Variants in ANO3 observed in about 807,000 individuals in gnomAD.
ANO3 encodes anoctamin 3, also known as anoctamin-3.
In ANO3, 99 loss-of-function variants were observed where a neutral mutation model predicts 144.8. The ratio of observed to expected loss-of-function variants is 0.68; its 90% CI spans 0.58 to 0.81. ANO3 has a LOEUF of 0.81. Among genes scored for constraint, ANO3 ranks in the 30% least tolerant of loss-of-function variants. The pLI, the probability that ANO3 is intolerant of heterozygous loss-of-function variation, is 0.00. For synonymous variants in ANO3, 414 were observed against 392.6 expected, an observed-to-expected ratio of 1.05 and a Z score of -0.64; for missense variants, 905 against 1,202.2, an observed-to-expected ratio of 0.75 and a Z score of 3.66.
intron 1 of ANO3, among the ~76,000 whole-genome samples, chr11:26,325,800 T>A (rs1212783616): frequency 6.6e-6 from 1 of 152,192 alleles, no homozygotes; most frequent in Non-Finnish European, 1.5e-5. Flanking sequence ...CCATAAAGAT[T>A]ATATTTCTGA....
intron 26 of ANO3, among the ~76,000 whole-genome samples, chr11:26,656,947 A>T (rs1009305720): frequency 4.6e-5 from 7 of 151,990 alleles, no homozygotes; most frequent in African/African-American, 1.7e-4. Context: ...TTTTATTTAA[A>T]AATTCAGAGA....
At chr11:26,236,621 A>G (rs933316219) in intron 1 of ANO3, among the ~76,000 whole-genome samples, 1 of 152,078 alleles carries the variant, frequency 6.6e-6, no homozygotes, top group African/African-American at 2.4e-5. Context: ...GACCAAGACC[A>G]TCCTGGCTAA....
intron 1 of ANO3, among the ~76,000 whole-genome samples, chr11:26,428,588 T>C (rs1857987512): frequency 6.6e-6 from 1 of 152,178 alleles, no homozygotes; most frequent in African/African-American, 2.4e-5. Context: ...TGAAAATAGT[T>C]TTCATCATGT....
intron 1 of ANO3, among the ~76,000 whole-genome samples, chr11:26,324,405 C>A (rs1321055450): frequency 6.6e-6 from 1 of 152,070 alleles, no homozygotes; most frequent in Non-Finnish European, 1.5e-5. Context: ...ACACTGAGAC[C>A]CTCAGCAAGA....
In ANO3 at chr11:26,509,527, G is replaced by A. The variant is rs138825045; in HGVS notation, c.591+1265G>A. Reference sequence around the variant, plus strand: ...GGGGTTTCACCATGTTGGCCAGGCTGGTCTTGAACTTCTGACCTCAAGTGA... The same window carrying A: ...GGGGTTTCACCATGTTGGCCAGGCTAGTCTTGAACTTCTGACCTCAAGTGA... On this transcript the variant is annotated intron_variant, in intron 5 of 26. Transcript: ENST00000256737. Among the ~76,000 whole-genome samples, 676 of 152,120 alleles carry A rather than the reference G, an allele frequency of 4.4e-3. 3 individuals are homozygous for A. The highest frequency in any genetic ancestry group is 0.016 in the African/African-American group (653 of 41,504).
At chr11:26,367,964 C>T (rs1034681443) in intron 1 of ANO3, among the ~76,000 whole-genome samples, 1 of 152,144 alleles carries the variant, frequency 6.6e-6, no homozygotes, top group Non-Finnish European at 1.5e-5. Context: ...CATGAGAAAT[C>T]CACCCCCATG....
chr11:26,323,119 T>C lies in ANO3; in HGVS notation c.-3+13400T>C, dbSNP rs953242304. 4.6e-5 allele frequency among the ~76,000 whole-genome samples: 7 copies of C among 152,194 alleles called. 1 individual carries two copies. The highest frequency in any genetic ancestry group is 1.7e-4 in the African/African-American group (7 of 41,534). ...TTTGTGTGTGTGTTTTTTAACCACT[T>C]TCTTACTTTCTGGGACTTCAAGATG... is the stretch of plus-strand genomic sequence containing the variant. On this transcript the variant is annotated intron_variant, in intron 1 of 26. Transcript: ENST00000525139.
intron 6 of ANO3, among the ~76,000 whole-genome samples, chr11:26,518,196 A>G (rs891212772): frequency 6.6e-6 from 1 of 152,018 alleles, no homozygotes; most frequent in Non-Finnish European, 1.5e-5. Flanking sequence ...ACATTTCTTG[A>G]GTTCTGGAAT....
chr11:26,345,413 T>C (rs1855474219), intron 1 of ANO3, among the ~76,000 whole-genome samples: 1 of 151,974 alleles, frequency 6.6e-6, no homozygotes, highest in African/African-American at 2.4e-5. Flanking sequence ...AATTTTAGGG[T>C]ATCGTGGCAT....
chr11:26,493,563 C>A (rs1246552907), intron 4 of ANO3, among the ~76,000 whole-genome samples: 1 of 152,156 alleles, frequency 6.6e-6, no homozygotes, highest in Non-Finnish European at 1.5e-5. Context: ...GCCCTAACCA[C>A]TCCTTCCTTA....
At chr11:26,564,450 G>T (rs1850435824) in intron 14 of ANO3, among the ~76,000 whole-genome samples, 1 of 148,196 alleles carries the variant, frequency 6.7e-6, no homozygotes, top group African/African-American at 2.5e-5. Context: ...TTTCAAGGGG[G>T]GAAAATACAT....
intron 1 of ANO3, among the ~76,000 whole-genome samples, chr11:26,437,027 C>T (rs1858320480): frequency 1.3e-5 from 2 of 152,170 alleles, no homozygotes; most frequent in Non-Finnish European, 2.9e-5. Context: ...AGATAGCAGC[C>T]TACCCCTCCC....
intron 10 of ANO3, among the ~76,000 whole-genome samples, chr11:26,539,686 C>T (rs538031836): frequency 4.6e-5 from 7 of 152,124 alleles, no homozygotes; most frequent in Non-Finnish European, 8.8e-5. Context: ...GGGAGCTCAC[C>T]GTCCTGGTTG....
chr11:26,188,879 C>T (rs554145449), exon 1 of ANO3, among the ~76,000 whole-genome samples: 18 of 152,246 alleles, frequency 1.2e-4, no homozygotes, highest in African/African-American at 4.3e-4. Flanking sequence ...TCACTGCAGC[C>T]TCTCTGAGAT....
At chr11:26,338,914 T>G (rs568716181) in intron 1 of ANO3, among the ~76,000 whole-genome samples, 7 of 152,358 alleles carry the variant, frequency 4.6e-5, no homozygotes, top group African/African-American at 1.7e-4. Context: ...ATTCTTGAAG[T>G]CAGCGAGACC....
chr11:26,510,905 A>C (rs1170881176), intron 5 of ANO3, among the ~76,000 whole-genome samples: 1 of 152,188 alleles, frequency 6.6e-6, no homozygotes, highest in Admixed American at 6.5e-5. Context: ...TATTTATTCT[A>C]GAGCTCTCAC....
In ANO3 at chr11:26,332,153, C is replaced by A; in HGVS notation, c.-123C>A. ...CTGGAGAGCGAAGTGCCGGCTACAG[C>A]AGGTGTCGGATTGCAGTGCGCTCGC... On this transcript the variant is annotated 5_prime_UTR_variant, in exon 1 of 27. Transcript: ENST00000256737. 2 of 1,575,294 alleles carry A rather than the reference C, an allele frequency of 1.3e-6. No homozygotes were observed. The highest frequency in any genetic ancestry group is 1.7e-6 in the Non-Finnish European group (2 of 1,161,658).
intron 21 of ANO3, among the ~76,000 whole-genome samples, chr11:26,639,578 G>A (rs1853079468): frequency 6.6e-6 from 1 of 152,058 alleles, no homozygotes; most frequent in Non-Finnish European, 1.5e-5. Context: ...ATAATTTTCC[G>A]GGGTGTTTCT....
At chr11:26,223,980 AT>A (rs1270579603) in intron 1 of ANO3, among the ~76,000 whole-genome samples, 1 of 152,062 alleles carries the variant, frequency 6.6e-6, no homozygotes, top group Non-Finnish European at 1.5e-5. Flanking sequence ...TTTCAATGAG[AT>A]TTGGAGGAGA....
Sources: allele counts gnomAD v4.1 joint callset (sites outside exome capture counted in the v4.1 genomes callset), GRCh38; gene constraint gnomAD v4.1.1; transcripts MANE v1.5; gene names NCBI Gene and HGNC (gene_info 2026-07-23, HGNC 2026-07-21).